VPS13B: variants seen among roughly 807,000 people sequenced by gnomAD.
VPS13B encodes the protein vacuolar protein sorting 13 homolog B, also known as intermembrane lipid transfer protein VPS13B.
VPS13B carries 285 observed loss-of-function variants against 426.4 expected under a neutral mutation model. That is an observed-to-expected ratio of 0.67 (90% CI 0.61 to 0.74). VPS13B has a LOEUF of 0.74. Ranked by LOEUF, VPS13B falls within the 30% of genes least tolerant of loss-of-function variation. The probability of loss-of-function intolerance (pLI) is 0.00; values close to 1 mark genes in which losing one functional copy is unlikely to be tolerated. For synonymous variants in VPS13B, 1,676 were observed against 1,676.4 expected (o/e 1.00, Z 0.01); for missense variants, 4,537 against 4,782.6 (o/e 0.95, Z 1.51).
At chr8:99,569,651 G>A (rs117201295) in intron 31 of VPS13B, among the ~76,000 whole-genome samples, 113 of 152,256 alleles carry the variant, frequency 7.4e-4, no homozygotes, top group African/African-American at 2.6e-3. Context: ...TGACAGATGG[G>A]CAGAAGAACC....
intron 17 of VPS13B, among the ~76,000 whole-genome samples, chr8:99,217,647 G>A (rs1328010728): frequency 3.3e-5 from 5 of 152,150 alleles, no homozygotes; most frequent in Non-Finnish European, 7.4e-5. Context: ...CAAAAGAGCC[G>A]TGCGTATATG....
intron 31 of VPS13B, among the ~76,000 whole-genome samples, chr8:99,562,590 T>G (rs1420480191): frequency 6.6e-6 from 1 of 152,140 alleles, no homozygotes; most frequent in Non-Finnish European, 1.5e-5. Context: ...CTTTTGGCTG[T>G]TTTTTAATTG....
At chr8:99,015,993 C>G (rs1417124522) in intron 2 of VPS13B, among the ~76,000 whole-genome samples, 1 of 152,098 alleles carries the variant, frequency 6.6e-6, no homozygotes, top group African/African-American at 2.4e-5. Flanking sequence ...TTTTGAACCT[C>G]AAAAAAATTG....
intron 3 of VPS13B, among the ~76,000 whole-genome samples, chr8:99,069,208 G>A (rs1244094145): frequency 6.6e-6 from 1 of 152,082 alleles, no homozygotes; most frequent in African/African-American, 2.4e-5. Flanking sequence ...TGAGGTGGGC[G>A]GATTGCCTGA....
At chr8:99,412,195 T>C (rs890261841) in intron 21 of VPS13B, among the ~76,000 whole-genome samples, 65 of 152,164 alleles carry the variant, frequency 4.3e-4, no homozygotes, top group African/African-American at 1.3e-3. Flanking sequence ...GGAATGTTTT[T>C]CCATTTGTAT....
At chr8:99,146,203 A>G (rs1810718839) in intron 13 of VPS13B, among the ~76,000 whole-genome samples, 1 of 152,176 alleles carries the variant, frequency 6.6e-6, no homozygotes, top group Non-Finnish European at 1.5e-5. Flanking sequence ...GTATGTCATC[A>G]TTTTGAATTA....
rs779729182 is a variant in VPS13B, at chr8:99,832,536, C to T, written c.9498C>T (p.Ala3166=). 1 of 1,613,540 alleles carries T rather than the reference C, an allele frequency of 6.2e-7. No individual in the cohort carries two copies. Among genetic ancestry groups the T allele is most frequent in the Non-Finnish European group, 8.5e-7 (1 of 1,179,940 alleles). The part of the protein sequence containing the change: ...QKQIMLGFSP[A]PGADSSQCWS... The stretch of plus-strand genomic sequence containing the variant: ...AGATCATGCTGGGCTTTTCTCCTGC[C>T]CCAGGTGCTGACAGCTCACAGTGCT... The change falls in exon 52 of 62, where the codon GCC becomes GCT. Residue 3166 remains alanine, a synonymous_variant. Coordinates refer to ENST00000357162, the MANE Select transcript of VPS13B (RefSeq NM_152564.5).
chr8:99,442,596 G>A lies in VPS13B; in HGVS notation c.3406G>A (p.Glu1136Lys), dbSNP rs199902569. The A allele has an allele frequency of 2.5e-6, 4 of 1,613,892 alleles. No homozygotes were observed. The highest frequency in any genetic ancestry group is 3.3e-5 in the Admixed American group (2 of 60,016). The change falls in exon 23 of 62, where the codon GAG (glutamate) becomes AAG (lysine). Residue 1136 changes from glutamate (E) to lysine (K), a missense_variant. Coordinates refer to ENST00000357162, the MANE Select transcript of VPS13B (RefSeq NM_152564.5). ...GCACAAGTATATGGAACCTCTGCAGGAGATTCCATTTGTTATCCCACGACC... is the reference window on the plus strand; with the variant it reads ...GCACAAGTATATGGAACCTCTGCAGAAGATTCCATTTGTTATCCCACGACC... ...AGHKYMEPLQEIPFVIPRPIL... is the reference protein window; with the variant it reads ...AGHKYMEPLQKIPFVIPRPIL...
At chr8:99,826,963 T>C (rs1814724412) in intron 51 of VPS13B, among the ~76,000 whole-genome samples, 1 of 152,306 alleles carries the variant, frequency 6.6e-6, no homozygotes. Context: ...GCTGCTGGAT[T>C]CGGTTTGCCA....
intron 17 of VPS13B, among the ~76,000 whole-genome samples, chr8:99,263,548 A>G (rs1818158942): frequency 6.6e-6 from 1 of 152,146 alleles, no homozygotes; most frequent in Non-Finnish European, 1.5e-5. Flanking sequence ...TCTAGCTTTT[A>G]GAAATTTCCT....
chr8:99,589,062 GT>G (rs1826458072), intron 33 of VPS13B, among the ~76,000 whole-genome samples: 1 of 151,732 alleles, frequency 6.6e-6, no homozygotes, highest in Non-Finnish European at 1.5e-5. Flanking sequence ...TAATCATGTG[GT>G]TTTTGTCATT....
chr8:99,313,775 A>G (rs1301025851), intron 19 of VPS13B, among the ~76,000 whole-genome samples: 1 of 152,148 alleles, frequency 6.6e-6, no homozygotes, highest in Non-Finnish European at 1.5e-5. Flanking sequence ...GGTGGAGTCT[A>G]CAGAGTCACG....
intron 39 of VPS13B, among the ~76,000 whole-genome samples, chr8:99,742,389 C>T (rs1287761104): frequency 7.2e-5 from 11 of 152,118 alleles, no homozygotes; most frequent in Non-Finnish European, 1.0e-4. Flanking sequence ...CGAATTCTAC[C>T]AGAGGTACAA....
rs2130822351 is a variant in VPS13B at position 99,821,483 on chromosome 8, G to A, written c.9183+1G>A. ...TGGTGCTTTTCCAGGACATCAGAAG[G>A]TAAGATCAAAGTCTATGTGGCTGGG... On this transcript the variant is annotated splice_donor_variant, in intron 50 of 61. Coordinates refer to ENST00000357162, the MANE Select transcript of VPS13B (RefSeq NM_152564.5). LOFTEE classifies it high-confidence loss of function. The A allele has an allele frequency of 6.2e-7, 1 of 1,613,578 alleles. No individual in the cohort carries two copies. The highest frequency in any genetic ancestry group is 8.5e-7 in the Non-Finnish European group (1 of 1,179,590).
At chr8:99,862,008 C>G (rs752480699) in intron 58 of VPS13B, 62 bp downstream of exon 58, 7 of 1,506,768 alleles carry the variant, frequency 4.6e-6, no homozygotes, top group Non-Finnish European at 6.2e-6. Flanking sequence ...CAGGGTCTCC[C>G]AGGACTGGGC....
chr8:99,850,948 A>G (rs1490459400), intron 55 of VPS13B, among the ~76,000 whole-genome samples: 3 of 152,174 alleles, frequency 2.0e-5, no homozygotes, highest in Non-Finnish European at 4.4e-5. Flanking sequence ...AAACAAAACA[A>G]CAACAAAAAA....
chr8:99,544,689 G>A (rs936884698), intron 30 of VPS13B, among the ~76,000 whole-genome samples: 2 of 133,910 alleles, frequency 1.5e-5, no homozygotes, highest in Non-Finnish European at 3.2e-5. Flanking sequence ...TGTATGTGCT[G>A]CAAAACAACA....
chr8:99,511,466 C>T lies in VPS13B; in HGVS notation c.4587C>T (p.Ile1529=). The change falls in exon 29 of 62, where the codon ATC becomes ATT. Residue 1529 remains isoleucine (I), a synonymous_variant. Coordinates refer to ENST00000357162, the MANE Select transcript of VPS13B (RefSeq NM_152564.5). ...TGATTTATGTCAACACAAGTGTAAT[C>T]AGAATTTTTATTCCAAAAACAGAAG... is the stretch of plus-strand genomic sequence containing the variant. ...LPLIYVNTSV[I]RIFIPKTEEM... is the part of the protein sequence containing the mutation. The T allele has an allele frequency of 6.2e-7, 1 of 1,612,786 alleles. No individual in the cohort carries two copies.
chr8:99,720,819 G>A (rs1000049846), intron 38 of VPS13B, 44 bp from the exon 39 acceptor site: 2 of 1,545,866 alleles, frequency 1.3e-6, no homozygotes, highest in Admixed American at 3.6e-5. Flanking sequence ...CCTTTGTCAT[G>A]TTCCCCTTTA....
Sources: gnomAD v4.1 joint callset for allele counts (sites outside exome capture counted in the v4.1 genomes callset) on GRCh38, gnomAD v4.1.1 for gene constraint, MANE v1.5 for transcripts, NCBI Gene and HGNC (gene_info 2026-07-23, HGNC 2026-07-21) for gene names.